Variants in RPL39L observed in about 807,000 individuals in gnomAD.
The protein encoded by RPL39L is ribosomal protein L39 like.
For missense variants in RPL39L, 48 were observed against 58.9 expected (o/e 0.81, Z 0.61); for synonymous variants, 16 against 20.1 (o/e 0.80, Z 0.55).
At chr3:187,133,369 C>T (rs185581940) in intron 1 of RPL39L, among the ~76,000 whole-genome samples, 10 of 152,200 alleles carry the variant, frequency 6.6e-5, no homozygotes, top group Non-Finnish European at 1.3e-4. Context: ...AAAAGTGGCA[C>T]TTCCCCCTTC....
chr3:187,122,950 A>C (rs552157612), intron 2 of RPL39L, among the ~76,000 whole-genome samples: 2 of 152,344 alleles, frequency 1.3e-5, no homozygotes, highest in East Asian at 3.9e-4. Context: ...AAAAAAGAGA[A>C]AAAGGAAGTT....
intron 2 of RPL39L, among the ~76,000 whole-genome samples, chr3:187,125,849 A>G (rs1720387341): frequency 6.6e-6 from 1 of 152,112 alleles, no homozygotes; most frequent in African/African-American, 2.4e-5. Flanking sequence ...GTGTTTTGAT[A>G]TCACTATCAC....
At chr3:187,134,342 A>G (rs971093889) in intron 1 of RPL39L, among the ~76,000 whole-genome samples, 1 of 152,108 alleles carries the variant, frequency 6.6e-6, no homozygotes, top group Non-Finnish European at 1.5e-5. Context: ...GGTTGTCACC[A>G]CTGGAGGAGT....
At chr3:187,127,198 A>G (rs1228402120) in intron 2 of RPL39L, among the ~76,000 whole-genome samples, 1 of 152,244 alleles carries the variant, frequency 6.6e-6, no homozygotes, top group Non-Finnish European at 1.5e-5. Context: ...AGGACCCAGC[A>G]TCTGTGTTTT....
At position 187,125,990 on chromosome 3, in the gene RPL39L, T is replaced by C. The variant is rs551989995; in HGVS notation, c.-29+2009A>G. On this transcript the variant is annotated intron_variant, in intron 2 of 2. Coordinates refer to ENST00000296277, the MANE Select transcript of RPL39L (RefSeq NM_052969.3). ...CCGGAGTGGTTAAAGGTTATATTAC[T>C]ATTTAAGGTCATAAGGTTAAAGGTC... Among the ~76,000 whole-genome samples the C allele has an allele frequency of 3.3e-5, 5 of 152,308 alleles. No homozygotes were observed. The South Asian group carries it at 1.0e-3, about 32-fold the overall frequency.
intron 2 of RPL39L, among the ~76,000 whole-genome samples, chr3:187,125,276 GATTTTT>G (rs1720379093): frequency 6.6e-6 from 1 of 152,146 alleles, no homozygotes; most frequent in Admixed American, 6.5e-5. Flanking sequence ...GCAATATTTT[GATTTTT>G]AAGTGATAAG....
chr3:187,132,101 G>A (rs1001213952), intron 1 of RPL39L, among the ~76,000 whole-genome samples: 1 of 152,020 alleles, frequency 6.6e-6, no homozygotes, highest in Non-Finnish European at 1.5e-5. Flanking sequence ...ATGGTTGCAG[G>A]GGTCACAAAC....
At chr3:187,127,082 T>A (rs1720409642) in intron 2 of RPL39L, among the ~76,000 whole-genome samples, 1 of 152,152 alleles carries the variant, frequency 6.6e-6, no homozygotes. Context: ...CAAAATGACA[T>A]TTCAAGTGCA....
Position 187,139,349 on chromosome 3 carries a change from G to C in RPL39L, c.-229C>G, listed in dbSNP as rs1720648914. ...CGACCCGAACCCGCTCCGTCGTCCT[G>C]ACGCCCCCGGCCTAGCTGCAGCCAC... On this transcript the variant is annotated 5_prime_UTR_variant, in exon 1 of 3. Transcript: ENST00000296277. 2 of 152,480 alleles carry C rather than the reference G, an allele frequency of 1.3e-5. No homozygotes were observed. Among genetic ancestry groups the C allele is most frequent in the Non-Finnish European group, 2.9e-5 (2 of 68,144 alleles). 9.4% of individuals were successfully genotyped at this position (152,480 alleles called of 1,614,324 possible).
chr3:187,121,137 G>T lies in RPL39L; in HGVS notation c.*8C>A. Reference sequence around the variant, plus strand: ...CATAAATATGTGTGCCATCTCATGTGCAATTCCTTATAGACCCAGCTTGGT... The same window carrying T: ...CATAAATATGTGTGCCATCTCATGTTCAATTCCTTATAGACCCAGCTTGGT... On this transcript the variant is annotated 3_prime_UTR_variant, in exon 3 of 3. Transcript: ENST00000296277. The T allele has an allele frequency of 6.2e-7, 1 of 1,612,986 alleles. No homozygotes were observed. The highest frequency in any genetic ancestry group is 8.5e-7 in the Non-Finnish European group (1 of 1,179,676).
chr3:187,137,076 G>A lies in RPL39L; in HGVS notation c.-93+2137C>T, dbSNP rs553061658. On this transcript the variant is annotated intron_variant, in intron 1 of 2. Coordinates refer to ENST00000296277, the MANE Select transcript of RPL39L (RefSeq NM_052969.3). ...TTAAAAATTAGCTGGGCATGGTGGT[G>A]CATGCCTGTGATCGGGAGGCTGAGG... Among the ~76,000 whole-genome samples the A allele has an allele frequency of 5.3e-5, 8 of 151,798 alleles. No homozygotes were observed. The South Asian group carries it at 1.7e-3, about 32-fold the overall frequency.
At chr3:187,126,017 T>C (rs1720390489) in intron 2 of RPL39L, among the ~76,000 whole-genome samples, 1 of 152,164 alleles carries the variant, frequency 6.6e-6, no homozygotes, top group African/African-American at 2.4e-5. Flanking sequence ...TTAAAGGTCA[T>C]AAAATATTTT....
intron 1 of RPL39L, among the ~76,000 whole-genome samples, chr3:187,131,648 T>A (rs1299663619): frequency 6.6e-6 from 1 of 152,238 alleles, no homozygotes; most frequent in East Asian, 1.9e-4. Context: ...ACACATTTCT[T>A]AGCCATGTTG....
intron 2 of RPL39L, 43 bp from the exon 3 acceptor site, chr3:187,121,371 A>G (rs1298449423): frequency 1.3e-6 from 2 of 1,525,758 alleles, no homozygotes; most frequent in African/African-American, 2.8e-5. Flanking sequence ...CAATATTACC[A>G]TAGGATAGGA....
In RPL39L at chr3:187,121,036, T is replaced by G. The variant is rs1027675929; in HGVS notation, c.*109A>C. 8.1e-7 allele frequency: 1 copy of G among 1,236,514 alleles called. No individual in the cohort carries two copies. Among genetic ancestry groups the G allele is most frequent in the Non-Finnish European group, 1.2e-6 (1 of 861,606 alleles). The allele number at this position is 1,236,514 out of a possible 1,614,324, so 76.6% of individuals were successfully genotyped here. On this transcript the variant is annotated 3_prime_UTR_variant, in exon 3 of 3. Coordinates refer to ENST00000296277, the MANE Select transcript of RPL39L (RefSeq NM_052969.3). ...GAAAAACAGAAAAAAATATTCCCAG[T>G]AAAACATGTGCAACTGTCCAGGTAG...
intron 1 of RPL39L, among the ~76,000 whole-genome samples, chr3:187,135,255 G>A (rs879327980): frequency 4.6e-5 from 7 of 152,140 alleles, no homozygotes; most frequent in African/African-American, 7.2e-5. Context: ...CTGAGACTGA[G>A]CCTCATGATG....
chr3:187,131,375 A>T (rs905948803), intron 1 of RPL39L, among the ~76,000 whole-genome samples: 1 of 152,154 alleles, frequency 6.6e-6, no homozygotes, highest in African/African-American at 2.4e-5. Context: ...TGTCTCTACT[A>T]AAAATACAAA....
At chr3:187,133,895 T>G (rs578212680) in intron 1 of RPL39L, among the ~76,000 whole-genome samples, 17 of 152,172 alleles carry the variant, frequency 1.1e-4, no homozygotes, top group African/African-American at 3.9e-4. Flanking sequence ...GACCCCACAT[T>G]ACTGACCTAG....
At chr3:187,124,138 G>T (rs902037045) in intron 2 of RPL39L, among the ~76,000 whole-genome samples, 10 of 152,130 alleles carry the variant, frequency 6.6e-5, no homozygotes, top group African/African-American at 2.2e-4. Flanking sequence ...CACATCTCAG[G>T]TGATTCAGAG....
Sources: allele counts gnomAD v4.1 joint callset (sites outside exome capture counted in the v4.1 genomes callset), GRCh38; gene constraint gnomAD v4.1.1; transcripts MANE v1.5; gene names NCBI Gene and HGNC (gene_info 2026-07-23, HGNC 2026-07-21).